TBC1D4: variants seen among roughly 807,000 people sequenced by gnomAD.
The protein encoded by TBC1D4 is TBC (Tre-2, BUB2, CDC16) domain-containing protein.
Under a neutral mutation model 142.5 loss-of-function variants are expected in TBC1D4, and 121 were observed. That is an observed-to-expected ratio of 0.85 (90% CI 0.73 to 0.99). TBC1D4 has a LOEUF of 0.99. TBC1D4 is among the 50% of genes least tolerant of loss of function. TBC1D4 has a pLI of 0.00. For synonymous variants in TBC1D4, 630 were observed against 628.2 expected (o/e 1.00, Z -0.04); for missense variants, 1,475 against 1,606.6 (o/e 0.92, Z 1.40).
chr13:75,413,735 A>G (rs1885787767), intron 1 of TBC1D4, among the ~76,000 whole-genome samples: 1 of 152,168 alleles, frequency 6.6e-6, no homozygotes, highest in Non-Finnish European at 1.5e-5. Flanking sequence ...TTTGTATTAC[A>G]CTGTCAAGAT....
chr13:75,284,843 C>T lies in TBC1D4; in HGVS notation c.*1949G>A, dbSNP rs559955426. ...TATCCAAGTCAGCTTAATCTCTGAA[C>T]ACCATAATATAACTCTTAATGTTGA... On this transcript the variant is annotated 3_prime_UTR_variant, in exon 21 of 21. Coordinates refer to ENST00000377636, the MANE Select transcript of TBC1D4 (RefSeq NM_014832.5). 1 of 152,146 alleles carries T rather than the reference C, an allele frequency of 6.6e-6. No homozygotes were observed. The highest frequency in any genetic ancestry group is 1.5e-5 in the Non-Finnish European group (1 of 68,022). 9.4% of individuals were successfully genotyped at this position (152,146 alleles called of 1,614,324 possible). A position where few individuals can be genotyped will look rare whatever the true frequency, so the allele number is the denominator to read the frequency against.
At chr13:75,289,182 A>G (rs1330969681) in intron 19 of TBC1D4, 72 bp from the exon 20 acceptor site, 8 of 1,551,756 alleles carry the variant, frequency 5.2e-6, no homozygotes, top group Non-Finnish European at 7.1e-6. Context: ...TTATCTTGGT[A>G]TATTTCATGT....
chr13:75,310,173 G>C (rs776673136), intron 13 of TBC1D4, 22 bp from the exon 14 acceptor site: 7 of 1,608,636 alleles, frequency 4.4e-6, no homozygotes, highest in Non-Finnish European at 5.9e-6. Context: ...AACACAGTGA[G>C]AGGCATTCCT....
chr13:75,423,927 T>C (rs993905280), intron 1 of TBC1D4, among the ~76,000 whole-genome samples: 2 of 152,234 alleles, frequency 1.3e-5, no homozygotes, highest in African/African-American at 2.4e-5. Flanking sequence ...TTCACACTAC[T>C]AAACTGTACA....
intron 20 of TBC1D4, 136 bp downstream of exon 20, chr13:75,288,798 C>A: frequency 1.1e-6 from 1 of 905,208 alleles, no homozygotes; most frequent in South Asian, 1.5e-5. Flanking sequence ...AGCCCCAGAG[C>A]ACTTGGACAG....
chr13:75,317,607 CCTT>C (rs1878423204), intron 12 of TBC1D4, among the ~76,000 whole-genome samples: 1 of 152,166 alleles, frequency 6.6e-6, no homozygotes, highest in Non-Finnish European at 1.5e-5. Context: ...AGAATTTTTT[CCTT>C]CTTCTTTTGT....
intron 1 of TBC1D4, among the ~76,000 whole-genome samples, chr13:75,414,832 C>T (rs1276230722): frequency 1.3e-5 from 2 of 152,004 alleles, no homozygotes; most frequent in Non-Finnish European, 1.5e-5. Flanking sequence ...GAAAGCAAAT[C>T]GAAAGTATGG....
intron 1 of TBC1D4, among the ~76,000 whole-genome samples, chr13:75,477,739 CT>C (rs1165703847): frequency 6.6e-6 from 1 of 152,160 alleles, no homozygotes; most frequent in Admixed American, 6.5e-5. Flanking sequence ...TATCCTAGAC[CT>C]TTGGGAGAGA....
chr13:75,302,263 T>C lies in TBC1D4; in HGVS notation c.2891A>G (p.His964Arg), dbSNP rs1186168560. Residue 964 changes from histidine to arginine, a missense_variant, in exon 16 of 21, where the codon CAT (histidine) becomes CGT (arginine). Coordinates refer to ENST00000377636, the MANE Select transcript of TBC1D4 (RefSeq NM_014832.5). ...ELLKQLTAQQ[H>R]AILVDLGRTF... ...CATACCTAAATCCACGAGAATCGCATGCTGCTGAGCAGTGAGCTGCTTCAA... is the reference window on the plus strand; with the variant it reads ...CATACCTAAATCCACGAGAATCGCACGCTGCTGAGCAGTGAGCTGCTTCAA... 2 of 1,614,224 alleles carry C rather than the reference T, an allele frequency of 1.2e-6. No individual in the cohort carries two copies. Among genetic ancestry groups the C allele is most frequent in the Non-Finnish European group, 1.7e-6 (2 of 1,180,034 alleles).
chr13:75,324,330 G>A lies in TBC1D4; in HGVS notation c.2105C>T (p.Ser702Phe). ...SSSSLPSLHT[S>F]FSAPSFTAPS... ...GGCAGTGAAGGAAGGGGCAGAGAAG[G>A]AAGTGTGAAGACTTGGAAGACTGGA... Residue 702 changes from serine to phenylalanine, a missense_variant, in exon 11 of 21, where the codon TCC becomes TTC. Ser to Phe is a radical substitution (Grantham distance 155). Coordinates refer to ENST00000377636, the MANE Select transcript of TBC1D4 (RefSeq NM_014832.5). 2 of 1,614,046 alleles carry A rather than the reference G, an allele frequency of 1.2e-6. No individual in the cohort carries two copies. The highest frequency in any genetic ancestry group is 1.3e-5 in the African/African-American group (1 of 75,050).
chr13:75,302,486 T>C, intron 15 of TBC1D4, 85 bp from the exon 16 acceptor site: 1 of 1,532,496 alleles, frequency 6.5e-7, no homozygotes, highest in Non-Finnish European at 9.0e-7. Flanking sequence ...ATAATTCTGG[T>C]AAACAGGCAG....
At chr13:75,303,738 T>C (rs1038576846) in intron 15 of TBC1D4, among the ~76,000 whole-genome samples, 31 of 152,234 alleles carry the variant, frequency 2.0e-4, no homozygotes, top group African/African-American at 7.5e-4. Flanking sequence ...TGGCATGACT[T>C]ATGAGGCCTC....
At chr13:75,327,950 A>T in intron 8 of TBC1D4, 124 bp from the exon 9 acceptor site, 1 of 953,536 alleles carries the variant, frequency 1.0e-6, no homozygotes, top group South Asian at 1.3e-5. Flanking sequence ...GGTTCACTTA[A>T]ATTTGTTGGC....
At chr13:75,301,214 C>G (rs1218506848) in intron 16 of TBC1D4, among the ~76,000 whole-genome samples, 2 of 151,742 alleles carry the variant, frequency 1.3e-5, no homozygotes, top group Non-Finnish European at 2.9e-5. Context: ...TGGTCAAATG[C>G]CAATATATAA....
chr13:75,337,054 A>C lies in TBC1D4; in HGVS notation c.1612-14T>G. 1 of 1,609,912 alleles carries C rather than the reference A, an allele frequency of 6.2e-7. No individual in the cohort carries two copies. Among genetic ancestry groups the C allele is most frequent in the Non-Finnish European group, 8.5e-7 (1 of 1,176,836 alleles). ...ATTTGAAATAGTCTAAAAAAAGAAAAACAGATACATTTTAGTTTGGAAATA... is the reference window on the plus strand; with the variant it reads ...ATTTGAAATAGTCTAAAAAAAGAAACACAGATACATTTTAGTTTGGAAATA... On this transcript the variant is annotated splice_polypyrimidine_tract_variant and intron_variant, in intron 7 of 20. Transcript: ENST00000377636.
intron 1 of TBC1D4, among the ~76,000 whole-genome samples, chr13:75,378,308 GA>G (rs1248939807): frequency 1.3e-5 from 2 of 151,916 alleles, no homozygotes; most frequent in African/African-American, 4.8e-5. Context: ...ATCAGCTTTT[GA>G]AAAAAATACA....
At position 75,386,373 on chromosome 13, in the gene TBC1D4, C is replaced by T. The variant is rs141552225; in HGVS notation, c.499-23766G>A. ...TAAATGTGCTTTTAATACAGATTTG[C>T]TATTTTCTTTTTCTTTTTCTTTTTT... On this transcript the variant is annotated intron_variant, in intron 1 of 20. Transcript: ENST00000377636. 4.7e-3 allele frequency among the ~76,000 whole-genome samples: 664 copies of T among 139,830 alleles called. 5 individuals are homozygous for T. The highest frequency in any genetic ancestry group is 0.015 in the African/African-American group (591 of 38,308). The allele number at this position is 139,830 out of a possible 152,430, so 91.7% of individuals were successfully genotyped here.
intron 1 of TBC1D4, among the ~76,000 whole-genome samples, chr13:75,455,062 T>C (rs889318745): frequency 3.3e-5 from 5 of 152,236 alleles, no homozygotes; most frequent in African/African-American, 4.8e-5. Context: ...AGAGATTCTA[T>C]GTAACTGATC....
intron 5 of TBC1D4, among the ~76,000 whole-genome samples, chr13:75,344,843 A>G (rs1423630901): frequency 6.6e-6 from 1 of 152,248 alleles, no homozygotes; most frequent in East Asian, 1.9e-4. Flanking sequence ...ATTCTGAATG[A>G]GTGAAATAAA....
Sources: allele counts gnomAD v4.1 joint callset (sites outside exome capture counted in the v4.1 genomes callset), GRCh38; gene constraint gnomAD v4.1.1; transcripts MANE v1.5; gene names NCBI Gene and HGNC (gene_info 2026-07-23, HGNC 2026-07-21).